Variants in CTNNA1 observed in about 807,000 individuals in gnomAD.
The protein encoded by CTNNA1 is catenin alpha 1.
A neutral mutation model predicts 98.4 loss-of-function variants in CTNNA1; 37 were observed. The ratio of observed to expected loss-of-function variants is 0.38; its 90% CI spans 0.29 to 0.49. The LOEUF (loss-of-function observed/expected upper bound fraction) is 0.49, where lower values mean the gene tolerates loss of function less well. Among genes scored for constraint, CTNNA1 ranks in the 20% least tolerant of loss-of-function variants. The pLI is 0.95. For synonymous variants in CTNNA1, 404 were observed against 413.2 expected (o/e 0.98, Z 0.27); for missense variants, 761 against 1,147.2 (o/e 0.66, Z 4.86).
chr5:138,834,640 A>G (rs1761600085), intron 7 of CTNNA1, among the ~76,000 whole-genome samples: 1 of 152,220 alleles, frequency 6.6e-6, no homozygotes, highest in Admixed American at 6.5e-5. Context: ...ATGGTGGCAG[A>G]GTTTTCCATT....
intron 1 of CTNNA1, among the ~76,000 whole-genome samples, chr5:138,774,137 C>T (rs192260187): frequency 3.9e-5 from 6 of 152,270 alleles, no homozygotes; most frequent in African/African-American, 1.2e-4. Flanking sequence ...CCCACCTCAG[C>T]CTACCAAAGT....
In CTNNA1 at chr5:138,794,012, A is replaced by ATTT. The variant is rs10717660; in HGVS notation, c.301+10661_301+10663dup. On this transcript the variant is annotated intron_variant, in intron 3 of 17. Coordinates refer to ENST00000302763, the MANE Select transcript of CTNNA1 (RefSeq NM_001903.5). ...TATTAAATGTTTATTTCCTGGGTTG[A>ATTT]TTTTTTTTTTTTTTTTTTTTTTTAA... 2.2e-3 allele frequency among the ~76,000 whole-genome samples: 251 copies of ATTT among 112,250 alleles called. 1 individual carries two copies. Among genetic ancestry groups the ATTT allele is most frequent in the African/African-American group, 8.2e-3 (241 of 29,284 alleles). The allele number at this position is 112,250 out of a possible 152,430, so 73.6% of individuals were successfully genotyped here. A position where few individuals can be genotyped will look rare whatever the true frequency, so the allele number is the denominator to read the frequency against.
chr5:138,934,602 T>TAATGTATC lies in CTNNA1; in HGVS notation c.*514_*515insATGTATCA, dbSNP rs1554119386. 6.5e-6 allele frequency: 1 copy of TAATGTATC among 153,444 alleles called. No homozygotes were observed. The highest frequency in any genetic ancestry group is 2.4e-5 in the African/African-American group (1 of 41,388). The allele number at this position is 153,444 out of a possible 1,614,324, so 9.5% of individuals were successfully genotyped here. ...CAAACTCACTCAGTAAAACATAATG[T>TAATGTATC]ATCATGAAGAAAACTGATTCTCTAT... On this transcript the variant is annotated 3_prime_UTR_variant, in exon 18 of 18. Transcript: ENST00000302763.
intron 9 of CTNNA1, among the ~76,000 whole-genome samples, chr5:138,893,895 T>A (rs993104337): frequency 6.6e-6 from 1 of 151,644 alleles, no homozygotes; most frequent in Non-Finnish European, 1.5e-5. Flanking sequence ...CTGCTGAGAT[T>A]ACAGGCGTGA....
Position 138,886,246 on chromosome 5 carries a change from C to T in CTNNA1, c.1097C>T (p.Ser366Phe), listed in dbSNP as rs1753998251. Residue 366 changes from serine to phenylalanine, a missense_variant, in exon 8 of 18, where the codon TCT (serine) becomes TTT (phenylalanine). Around this residue, in one of 6 missense-constraint regions of CTNNA1, gnomAD observed 287 missense variants for 436.0 expected, o/e 0.66. Transcript: ENST00000302763. ...AAAGAAAGAAGTGATGCACTCAATT[C>T]TGCAATAGATAAAATGACCAAGAAG... Reference protein sequence around the residue: ...GRKERSDALNSAIDKMTKKTR... With the variant: ...GRKERSDALNFAIDKMTKKTR... The T allele has an allele frequency of 6.2e-7, 1 of 1,611,176 alleles. No homozygotes were observed. The highest frequency in any genetic ancestry group is 8.5e-7 in the Non-Finnish European group (1 of 1,178,724).
chr5:138,876,695 G>T (rs1042728736), intron 7 of CTNNA1, among the ~76,000 whole-genome samples: 3 of 152,172 alleles, frequency 2.0e-5, no homozygotes, highest in African/African-American at 7.2e-5. Context: ...GGCCTTTTTG[G>T]TTCTGAGGGA....
chr5:138,909,052 G>T (rs1759968420), intron 10 of CTNNA1, among the ~76,000 whole-genome samples: 1 of 151,968 alleles, frequency 6.6e-6, no homozygotes. Context: ...TTGGTGTGCT[G>T]GTCAGGAAGA....
At chr5:138,882,038 A>G (rs1405990140) in intron 7 of CTNNA1, among the ~76,000 whole-genome samples, 2 of 152,210 alleles carry the variant, frequency 1.3e-5, no homozygotes, top group African/African-American at 4.8e-5. Flanking sequence ...ATGAAGTCCT[A>G]TATCTTTTAA....
intron 10 of CTNNA1, among the ~76,000 whole-genome samples, chr5:138,912,292 TAGATG>T (rs1442735650): frequency 4.6e-5 from 7 of 151,892 alleles, no homozygotes; most frequent in Non-Finnish European, 1.0e-4. Context: ...AGGAAAAGAT[TAGATG>T]AGATTGCCCA....
chr5:138,886,497 T>A (rs998024978), intron 8 of CTNNA1, among the ~76,000 whole-genome samples: 6 of 152,186 alleles, frequency 3.9e-5, no homozygotes, highest in African/African-American at 1.4e-4. Context: ...ACAGTCTCAC[T>A]GTGTTGGACT....
At chr5:138,902,306 AAT>A (rs1389427873) in intron 9 of CTNNA1, among the ~76,000 whole-genome samples, 7 of 152,206 alleles carry the variant, frequency 4.6e-5, no homozygotes, top group African/African-American at 1.7e-4. Flanking sequence ...TAAGATTGAG[AAT>A]ATAGATTGAA....
chr5:138,925,632 G>A (rs112484733), intron 13 of CTNNA1: 2 of 540,026 alleles, frequency 3.7e-6, no homozygotes, highest in South Asian at 2.8e-5. Context: ...CTGAGTTGAC[G>A]ATTTAATTTA....
intron 1 of CTNNA1, among the ~76,000 whole-genome samples, chr5:138,778,024 G>T (rs1754592762): frequency 4.6e-5 from 5 of 107,644 alleles, no homozygotes; most frequent in Admixed American, 1.4e-4. Flanking sequence ...ACAGAGTCTT[G>T]CTCTGTGGCC....
intron 1 of CTNNA1, among the ~76,000 whole-genome samples, chr5:138,759,387 A>T (rs1049343628): frequency 6.6e-6 from 1 of 152,218 alleles, no homozygotes; most frequent in Non-Finnish European, 1.5e-5. Flanking sequence ...CGCATGCACC[A>T]TGGTAACTTT....
At chr5:138,891,629 G>A (rs1399672230) in intron 9 of CTNNA1, among the ~76,000 whole-genome samples, 8 of 152,074 alleles carry the variant, frequency 5.3e-5, no homozygotes, top group African/African-American at 1.9e-4. Flanking sequence ...GCATGGTGGC[G>A]GGTGCCTGTA....
At chr5:138,905,476 C>CT (rs1383993353) in intron 10 of CTNNA1, among the ~76,000 whole-genome samples, 2 of 152,206 alleles carry the variant, frequency 1.3e-5, no homozygotes, top group African/African-American at 4.8e-5. Flanking sequence ...ATTTGGGTCT[C>CT]TGTGTTGGAG....
At chr5:138,808,691 G>A (rs1323314480) in intron 3 of CTNNA1, among the ~76,000 whole-genome samples, 11 of 74,628 alleles carry the variant, frequency 1.5e-4, no homozygotes, top group African/African-American at 4.8e-4. Context: ...TCTTGAAAGT[G>A]CCTTAAAAAA....
chr5:138,846,627 A>G (rs765185949), intron 7 of CTNNA1, among the ~76,000 whole-genome samples: 4 of 152,174 alleles, frequency 2.6e-5, no homozygotes, highest in Non-Finnish European at 5.9e-5. Context: ...ATTAAATCCT[A>G]TATTGTGTAC....
chr5:138,872,956 C>G, intron 7 of CTNNA1: 1 of 1,315,680 alleles, frequency 7.6e-7, no homozygotes, highest in Non-Finnish European at 1.1e-6. Flanking sequence ...TATTTAGCCT[C>G]TACTATGTAA....
Sources: gnomAD v4.1 joint callset for allele counts (sites outside exome capture counted in the v4.1 genomes callset) on GRCh38, gnomAD v4.1.1 for gene constraint, gnomAD v4.1.1 regional missense constraint, MANE v1.5 for transcripts, NCBI Gene and HGNC (gene_info 2026-07-23, HGNC 2026-07-21) for gene names.